ALPK1: variants seen among roughly 807,000 people sequenced by gnomAD.
The protein encoded by ALPK1 is alpha kinase 1, also known as alpha-protein kinase 1.
ALPK1 carries 110 observed loss-of-function variants against 120.6 expected under a neutral mutation model. The ratio of observed to expected loss-of-function variants is 0.91; its 90% CI spans 0.78 to 1.07. The LOEUF (loss-of-function observed/expected upper bound fraction) is 1.07, where lower values mean the gene tolerates loss of function less well. Ranked by LOEUF, ALPK1 falls within the 50% of genes least tolerant of loss-of-function variation. The probability of loss-of-function intolerance (pLI) is 0.00; values close to 1 mark genes in which losing one functional copy is unlikely to be tolerated. For synonymous variants in ALPK1, 582 were observed against 560.3 expected, an observed-to-expected ratio of 1.04 and a Z score of -0.55; for missense variants, 1,498 against 1,483.9, an observed-to-expected ratio of 1.01 and a Z score of -0.16.
rs1734292493 is a variant in ALPK1 at position 112,427,554 on chromosome 4, T to C, written c.700-16T>C. 2.5e-6 allele frequency: 4 copies of C among 1,600,484 alleles called. No homozygotes were observed. Among genetic ancestry groups the C allele is most frequent in the Non-Finnish European group, 3.4e-6 (4 of 1,167,654 alleles). On this transcript the variant is annotated splice_polypyrimidine_tract_variant and intron_variant, in intron 8 of 15. Coordinates refer to ENST00000650871, the MANE Select transcript of ALPK1 (RefSeq NM_025144.4). ...GTGAATTCCCGATCTGTGACTTCTT[T>C]GTGTTTTTCTTACAGGGCCTCTCCA...
At chr4:112,388,313 G>C (rs1560665776) in intron 4 of ALPK1, among the ~76,000 whole-genome samples, 1 of 152,146 alleles carries the variant, frequency 6.6e-6, no homozygotes, top group African/African-American at 2.4e-5. Context: ...TGCCTAGTGT[G>C]ACTAACTCGT....
intron 2 of ALPK1, among the ~76,000 whole-genome samples, chr4:112,317,011 C>G (rs1728665480): frequency 6.6e-6 from 1 of 152,052 alleles, no homozygotes. Context: ...AATAACAGAT[C>G]CAAATTAACT....
At chr4:112,342,449 T>C (rs993474136) in intron 2 of ALPK1, among the ~76,000 whole-genome samples, 4 of 152,234 alleles carry the variant, frequency 2.6e-5, no homozygotes, top group African/African-American at 9.6e-5. Context: ...TAGTCTACTT[T>C]ATAATTTAGA....
At chr4:112,437,200 C>A (rs1578577134) in intron 12 of ALPK1, among the ~76,000 whole-genome samples, 1 of 152,108 alleles carries the variant, frequency 6.6e-6, no homozygotes, top group East Asian at 1.9e-4. Flanking sequence ...TGACCTACAG[C>A]TGGTTTCTTC....
chr4:112,426,480 A>C lies in ALPK1; in HGVS notation c.636A>C (p.Glu212Asp). ...QILQKLGMWYEAAELIWASIV... is the reference protein window; with the variant it reads ...QILQKLGMWYDAAELIWASIV... ...TTTTTTTTTCAGGGATGTGGTACGA[A>C]GCAGCAGAGTTAATATGGGCCTCCA... Residue 212 changes from glutamate to aspartate, a missense_variant, in exon 8 of 16, where the codon GAA (glutamate) becomes GAC (aspartate). Transcript: ENST00000650871. 6.2e-7 allele frequency: 1 copy of C among 1,607,484 alleles called. No individual in the cohort carries two copies. The highest frequency in any genetic ancestry group is 8.5e-7 in the Non-Finnish European group (1 of 1,177,286).
intron 2 of ALPK1, among the ~76,000 whole-genome samples, chr4:112,369,310 T>C (rs1233095687): frequency 6.6e-6 from 1 of 152,186 alleles, no homozygotes; most frequent in East Asian, 1.9e-4. Context: ...TGCCTCTTTC[T>C]CCATTTGTTT....
rs1348979977 is a variant in ALPK1 at position 112,435,209 on chromosome 4, C to T, written c.3096C>T (p.Val1032=). 1 of 1,613,200 alleles carries T rather than the reference C, an allele frequency of 6.2e-7. No homozygotes were observed. Among genetic ancestry groups the T allele is most frequent in the South Asian group, 1.1e-5 (1 of 90,956 alleles). ...TGTGGACGGCCCAGGAAACTATTGT[C>T]TATTTGGGGGACTACTTGACTGTGA... ...SELWTAQETI[V]YLGDYLTVKK... is the part of the protein sequence containing the mutation. The change falls in exon 12 of 16, where the codon GTC becomes GTT. Residue 1032 remains valine, a synonymous_variant. Transcript: ENST00000650871.
At chr4:112,320,396 A>C (rs1044656701) in intron 2 of ALPK1, among the ~76,000 whole-genome samples, 8 of 152,198 alleles carry the variant, frequency 5.3e-5, no homozygotes, top group African/African-American at 1.7e-4. Context: ...TATGAAACCC[A>C]CTTTATCATG....
rs1376601162 is a variant in ALPK1 at position 112,356,697 on chromosome 4, C to T, written c.-100-20981C>T. 4.1e-6 allele frequency: 4 copies of T among 975,504 alleles called. No individual in the cohort carries two copies. The Admixed American group carries it at 7.0e-5, about 17-fold the overall frequency. 60.4% of individuals were successfully genotyped at this position (975,504 alleles called of 1,614,324 possible). A position where few individuals can be genotyped will look rare whatever the true frequency, so the allele number is the denominator to read the frequency against. On this transcript the variant is annotated intron_variant, in intron 2 of 15. Transcript: ENST00000650871. ...AGCCTGGAGCAGGAGCTGGCCAGCC[C>T]CATCCTGGACATCGAGGACTTGGTC...
At chr4:112,359,817 T>C in intron 2 of ALPK1, 1 of 400,416 alleles carries the variant, frequency 2.5e-6, no homozygotes, top group Non-Finnish European at 4.9e-6. Context: ...AGAGCCCCAG[T>C]GGGTGCCCAT....
chr4:112,416,651 G>A (rs1733758348), intron 5 of ALPK1, among the ~76,000 whole-genome samples: 1 of 152,042 alleles, frequency 6.6e-6, no homozygotes, highest in Non-Finnish European at 1.5e-5. Flanking sequence ...AGGTGGGAGG[G>A]ATCGCATGAG....
At chr4:112,388,685 C>T (rs573872584) in intron 4 of ALPK1, among the ~76,000 whole-genome samples, 102 of 150,276 alleles carry the variant, frequency 6.8e-4, no homozygotes, top group African/African-American at 2.4e-3. Context: ...ACAAACTTTA[C>T]TGGGTGTCAG....
rs1416821088 is a variant in ALPK1 at position 112,424,007 on chromosome 4, A to C, written c.535+4A>C. 3 of 1,613,458 alleles carry C rather than the reference A, an allele frequency of 1.9e-6. No individual in the cohort carries two copies. The East Asian group carries it at 6.7e-5, about 36-fold the overall frequency. ...ATAAGCAACAATGGAGCAACGGGTG[A>C]GTACTTTCATATCTTCACAATGACT... On this transcript the variant is annotated splice_donor_region_variant and intron_variant, in intron 6 of 15. Coordinates refer to ENST00000650871, the MANE Select transcript of ALPK1 (RefSeq NM_025144.4).
At chr4:112,435,394 A>T in intron 12 of ALPK1, 93 bp downstream of exon 12, 1 of 1,191,044 alleles carries the variant, frequency 8.4e-7, no homozygotes. Context: ...TAGGGGCTGA[A>T]AAACTTGGCC....
At position 112,431,700 on chromosome 4, in the gene ALPK1, G is replaced by A. The variant is rs143368967; in HGVS notation, c.2153G>A (p.Arg718His). 2.4e-5 allele frequency: 39 copies of A among 1,614,024 alleles called. No homozygotes were observed. Among genetic ancestry groups the A allele is most frequent in the Admixed American group, 1.3e-4 (8 of 59,998 alleles). Reference sequence around the variant, plus strand: ...TCTGCTCACTCCAGACCCTCATATCGTTCTGCTTCTTGGTCTTCTGATTCT... The same window carrying A: ...TCTGCTCACTCCAGACCCTCATATCATTCTGCTTCTTGGTCTTCTGATTCT... ...NTSAHSRPSY[R>H]SASWSSDSGR... is the part of the protein sequence containing the mutation. The change falls in exon 11 of 16, where the codon CGT becomes CAT. Residue 718 changes from arginine to histidine, a missense_variant. Physicochemically the swap from Arg to His is conservative, Grantham distance 29 (BLOSUM62 0). Coordinates refer to ENST00000650871, the MANE Select transcript of ALPK1 (RefSeq NM_025144.4).
chr4:112,439,700 G>A lies in ALPK1; in HGVS notation c.3366G>A (p.Lys1122=). The change falls in exon 14 of 16, where the codon AAG becomes AAA. Residue 1122 remains lysine (K), a synonymous_variant. Coordinates refer to ENST00000650871, the MANE Select transcript of ALPK1 (RefSeq NM_025144.4). ...PSTILLILED[K]TIKGCISVEP... is the part of the protein sequence containing the mutation. Reference sequence around the variant, plus strand: ...CTATTTTTCAGATTTTAGAGGACAAGACAATAAAGGGATGTATCAGTGTGG... The same window carrying A: ...CTATTTTTCAGATTTTAGAGGACAAAACAATAAAGGGATGTATCAGTGTGG... 4 of 1,603,350 alleles carry A rather than the reference G, an allele frequency of 2.5e-6. No homozygotes were observed. Among genetic ancestry groups the A allele is most frequent in the South Asian group, 1.1e-5 (1 of 89,458 alleles).
chr4:112,358,834 C>G, intron 2 of ALPK1: 2 of 809,042 alleles, frequency 2.5e-6, no homozygotes. Context: ...GCCACCTTCA[C>G]CCAGGCCCTG....
chr4:112,381,932 A>G (rs558709268), intron 3 of ALPK1, among the ~76,000 whole-genome samples: 1 of 152,374 alleles, frequency 6.6e-6, no homozygotes, highest in East Asian at 1.9e-4. Context: ...ATTCAAATGT[A>G]GTCCATATCG....
intron 2 of ALPK1, among the ~76,000 whole-genome samples, chr4:112,336,036 T>C (rs1729607693): frequency 6.6e-6 from 1 of 152,204 alleles, no homozygotes; most frequent in African/African-American, 2.4e-5. Context: ...TCCATGCCCT[T>C]GGCTGGAGTC....
Sources: gnomAD v4.1 joint callset for allele counts (sites outside exome capture counted in the v4.1 genomes callset) on GRCh38, gnomAD v4.1.1 for gene constraint, MANE v1.5 for transcripts, NCBI Gene and HGNC (gene_info 2026-07-23, HGNC 2026-07-21) for gene names.